Variants in SNRPD3 observed in about 807,000 individuals in gnomAD.
SNRPD3 encodes small nuclear ribonucleoprotein D3 polypeptide, also known as small nuclear ribonucleoprotein Sm D3.
For synonymous variants in SNRPD3, 66 were observed against 58.4 expected (o/e 1.13, Z -0.59); for missense variants, 73 against 167.5 (o/e 0.44, Z 3.11).
At chr22:24,568,712 G>A (rs1225370875) in intron 3 of SNRPD3, among the ~76,000 whole-genome samples, 2 of 151,922 alleles carry the variant, frequency 1.3e-5, no homozygotes, top group Non-Finnish European at 2.9e-5. Context: ...ACCCGCCACT[G>A]CGCCGGGCTA....
chr22:24,572,145 T>A lies in SNRPD3; in HGVS notation c.*168T>A. The A allele has an allele frequency of 7.4e-7, 1 of 1,356,854 alleles. No homozygotes were observed. Among genetic ancestry groups the A allele is most frequent in the Non-Finnish European group, 1.0e-6 (1 of 981,362 alleles). The allele number at this position is 1,356,854 out of a possible 1,614,324, so 84.1% of individuals were successfully genotyped here. A position where few individuals can be genotyped will look rare whatever the true frequency, so the allele number is the denominator to read the frequency against. ...GGGGGTTTTTTGTTCTGTTTTGTTT[T>A]GTTTTCTTTGAGAAAATAAGGACTT... On this transcript the variant is annotated 3_prime_UTR_variant, in exon 4 of 4. Coordinates refer to ENST00000215829, the MANE Select transcript of SNRPD3 (RefSeq NM_004175.5).
rs1258773771 is a variant in SNRPD3, at chr22:24,572,515, C to T, written c.*538C>T. 4.9e-6 allele frequency: 1 copy of T among 204,714 alleles called. No homozygotes were observed. Among genetic ancestry groups the T allele is most frequent in the Non-Finnish European group, 9.9e-6 (1 of 100,872 alleles). The allele number at this position is 204,714 out of a possible 1,614,324, so 12.7% of individuals were successfully genotyped here. ...CGGCGGCTCACGCATGTAATCCCAG[C>T]ACTTTGGGAGGCCAAGGCGGGCGGA... On this transcript the variant is annotated 3_prime_UTR_variant, in exon 4 of 4. Coordinates refer to ENST00000215829, the MANE Select transcript of SNRPD3 (RefSeq NM_004175.5).
At chr22:24,563,516 G>A (rs2045168350) in intron 2 of SNRPD3, among the ~76,000 whole-genome samples, 1 of 151,998 alleles carries the variant, frequency 6.6e-6, no homozygotes, top group Admixed American at 6.6e-5. Flanking sequence ...GATATGGCAT[G>A]TTGGTCAAAA....
intron 2 of SNRPD3, among the ~76,000 whole-genome samples, chr22:24,560,574 A>T (rs1351443238): frequency 6.7e-6 from 1 of 150,196 alleles, no homozygotes; most frequent in Non-Finnish European, 1.5e-5. Flanking sequence ...CCTCCTGAGT[A>T]GCTGGGACTA....
rs556221710 is a variant in SNRPD3, at chr22:24,556,021, C to T, written c.-69C>T. Reference sequence around the variant, plus strand: ...GCCATTCGCTTGACTCACGCCTTCGCCGTAGCATCTTTCGCAGCGGACCGA... The same window carrying T: ...GCCATTCGCTTGACTCACGCCTTCGTCGTAGCATCTTTCGCAGCGGACCGA... On this transcript the variant is annotated 5_prime_UTR_variant, in exon 1 of 4. Transcript: ENST00000215829. 65 of 630,792 alleles carry T rather than the reference C, an allele frequency of 1.0e-4. 1 individual carries two copies. Among genetic ancestry groups the T allele is most frequent in the Non-Finnish European group, 1.7e-4 (63 of 363,628 alleles). 39.1% of individuals were successfully genotyped at this position (630,792 alleles called of 1,614,324 possible).
chr22:24,561,206 A>G (rs1442374913), intron 2 of SNRPD3, among the ~76,000 whole-genome samples: 2 of 151,012 alleles, frequency 1.3e-5, no homozygotes, highest in Admixed American at 6.6e-5. Flanking sequence ...CTAAGTATCC[A>G]GGACTACCAG....
intron 3 of SNRPD3, among the ~76,000 whole-genome samples, chr22:24,568,892 A>G (rs2045222309): frequency 1.3e-5 from 2 of 152,106 alleles, no homozygotes; most frequent in Non-Finnish European, 2.9e-5. Context: ...TATTTTTAGT[A>G]GAGATGGGAT....
rs542367232 is a variant in SNRPD3 at position 24,564,853 on chromosome 22, A to C, written c.127-3131A>C. Among the ~76,000 whole-genome samples, 13 of 151,266 alleles carry C rather than the reference A, an allele frequency of 8.6e-5. No individual in the cohort carries two copies. The South Asian group carries it at 2.1e-3, about 24-fold the overall frequency. On this transcript the variant is annotated intron_variant, in intron 2 of 3. Transcript: ENST00000215829. Reference sequence around the variant, plus strand: ...GTCTCTATTATGTATTAGGCAATAGAGACAGCATTTAGACATACTTTGCCT... The same window carrying C: ...GTCTCTATTATGTATTAGGCAATAGCGACAGCATTTAGACATACTTTGCCT...
intron 3 of SNRPD3, among the ~76,000 whole-genome samples, chr22:24,568,618 C>G (rs913604728): frequency 6.6e-6 from 1 of 151,006 alleles, no homozygotes; most frequent in African/African-American, 2.4e-5. Context: ...AGTGCAGTGG[C>G]GTGATCTCGG....
At chr22:24,559,733 G>A (rs2045114765) in intron 2 of SNRPD3, among the ~76,000 whole-genome samples, 1 of 152,096 alleles carries the variant, frequency 6.6e-6, no homozygotes, top group African/African-American at 2.4e-5. Flanking sequence ...AAGGAACCAT[G>A]CCTGACCAAT....
chr22:24,563,837 A>G lies in SNRPD3; in HGVS notation c.127-4147A>G, dbSNP rs544762759. Reference sequence around the variant, plus strand: ...TGGAAAACTGGTCTCTGTATGGAATATGGTCTTGTGTCACTGTATAAAAAT... The same window carrying G: ...TGGAAAACTGGTCTCTGTATGGAATGTGGTCTTGTGTCACTGTATAAAAAT... On this transcript the variant is annotated intron_variant, in intron 2 of 3. Coordinates refer to ENST00000215829, the MANE Select transcript of SNRPD3 (RefSeq NM_004175.5). Among the ~76,000 whole-genome samples, 4 of 152,312 alleles carry G rather than the reference A, an allele frequency of 2.6e-5. No individual in the cohort carries two copies. In the East Asian group the frequency reaches 7.7e-4, roughly 29 times the overall value.
chr22:24,558,871 T>C (rs2045105924), intron 2 of SNRPD3, among the ~76,000 whole-genome samples: 1 of 152,170 alleles, frequency 6.6e-6, no homozygotes. Context: ...TAGCCTCAAG[T>C]TGAATGCCAT....
intron 2 of SNRPD3, chr22:24,558,145 G>A (rs1411342708): frequency 1.2e-5 from 2 of 168,934 alleles, no homozygotes; most frequent in East Asian, 1.7e-4. Flanking sequence ...CTTGCTTTGC[G>A]ATTAGCAGAA....
In SNRPD3 at chr22:24,560,011, C is replaced by T. The variant is rs960458912; in HGVS notation, c.126+2211C>T. ...CCTCTGTAGTGTTTCTGTCCAGATT[C>T]TTCTTATAAGGATACCATGCATGTA... is the stretch of plus-strand genomic sequence containing the variant. On this transcript the variant is annotated intron_variant, in intron 2 of 3. Transcript: ENST00000215829. Among the ~76,000 whole-genome samples the T allele has an allele frequency of 1.1e-4, 17 of 150,464 alleles. No individual in the cohort carries two copies. The South Asian group carries it at 1.9e-3, about 17-fold the overall frequency.
chr22:24,567,996 A>G lies in SNRPD3; in HGVS notation c.139A>G (p.Thr47Ala). ...GATTTCCTTCCAGATGTCCAACATC[A>G]CAGTCACATACAGAGATGGCCGAGT... ...DNMNCQMSNI[T>A]VTYRDGRVAQ... Residue 47 changes from threonine (T) to alanine (A), a missense_variant, in exon 3 of 4, where the codon ACA (threonine) becomes GCA (alanine). Physicochemically the swap from Thr to Ala is moderately conservative, Grantham distance 58. Coordinates refer to ENST00000215829, the MANE Select transcript of SNRPD3 (RefSeq NM_004175.5). The G allele has an allele frequency of 6.3e-7, 1 of 1,596,162 alleles. No homozygotes were observed. Among genetic ancestry groups the G allele is most frequent in the Non-Finnish European group, 8.5e-7 (1 of 1,170,670 alleles).
At chr22:24,555,949 C>CCA, upstream of SNRPD3, 1 of 1,003,200 alleles carries the variant, frequency 1.0e-6, no homozygotes, top group African/African-American at 1.6e-5. Context: ...GAGGCGGGCC[C>CCA]TGCGCGCAGC....
Position 24,560,715 on chromosome 22 carries a change from C to CCTTTTTTTTTTTTTT in SNRPD3, c.126+2915_126+2916insCTTTTTTTTTTTTTT, listed in dbSNP as rs1569024539. On this transcript the variant is annotated intron_variant, in intron 2 of 3. Coordinates refer to ENST00000215829, the MANE Select transcript of SNRPD3 (RefSeq NM_004175.5). ...ACAGGCGTGAGCCACTGCACCTGGC[C>CCTTTTTTTTTTTTTT]TTTTTTTTTTTTTTTTTTTTTTTTT... is the stretch of plus-strand genomic sequence containing the variant. Among the ~76,000 whole-genome samples, 2 of 98,864 alleles carry CCTTTTTTTTTTTTTT rather than the reference C, an allele frequency of 2.0e-5. 1 individual carries two copies. The allele number at this position is 98,864 out of a possible 152,430, so 64.9% of individuals were successfully genotyped here.
chr22:24,556,530 C>A (rs5996717), intron 1 of SNRPD3, among the ~76,000 whole-genome samples: 20,820 of 152,086 alleles, frequency 0.14, 1,492 homozygotes, highest in South Asian at 0.23. Flanking sequence ...TTAAAAAGTT[C>A]TTTGTATCTC....
At chr22:24,570,350 C>A (rs2045237794) in intron 3 of SNRPD3, among the ~76,000 whole-genome samples, 1 of 152,188 alleles carries the variant, frequency 6.6e-6, no homozygotes, top group Non-Finnish European at 1.5e-5. Flanking sequence ...ATAGGAGTTA[C>A]GAGCTGGGAA....
Sources: allele counts gnomAD v4.1 joint callset (sites outside exome capture counted in the v4.1 genomes callset), GRCh38; gene constraint gnomAD v4.1.1; transcripts MANE v1.5; gene names NCBI Gene and HGNC (gene_info 2026-07-23, HGNC 2026-07-21).